Variants in KIF13B observed in about 807,000 individuals in gnomAD.
The protein encoded by KIF13B is kinesin family member 13B, also known as kinesin-like protein KIF13B.
KIF13B carries 127 observed loss-of-function variants against 222.0 expected under a neutral mutation model. That is an observed-to-expected ratio of 0.57 (90% CI 0.50 to 0.66). The LOEUF is 0.66. Among genes scored for constraint, KIF13B ranks in the 30% least tolerant of loss-of-function variants. KIF13B has a pLI of 0.00. For synonymous variants in KIF13B, 976 were observed against 919.0 expected, an observed-to-expected ratio of 1.06 and a Z score of -1.12; for missense variants, 2,173 against 2,379.0, an observed-to-expected ratio of 0.91 and a Z score of 1.80.
In KIF13B at chr8:29,112,287, G is replaced by T. The variant is rs200401974; in HGVS notation, c.3930+1176C>A. Reference sequence around the variant, plus strand: ...GTCTCTACTTAAAATACAAAAATTAGCTGGGCGTGGTGGCACGTGCCTGTA... The same window carrying T: ...GTCTCTACTTAAAATACAAAAATTATCTGGGCGTGGTGGCACGTGCCTGTA... On this transcript the variant is annotated intron_variant, in intron 32 of 39. Coordinates refer to ENST00000524189, the MANE Select transcript of KIF13B (RefSeq NM_015254.4). Among the ~76,000 whole-genome samples the T allele has an allele frequency of 2.0e-5, 3 of 152,062 alleles. No homozygotes were observed. The East Asian group carries it at 5.8e-4, about 29-fold the overall frequency.
intron 22 of KIF13B, among the ~76,000 whole-genome samples, 169 bp downstream of exon 22, chr8:29,133,871 G>A (rs942012618): frequency 2.0e-5 from 3 of 152,174 alleles, no homozygotes; most frequent in African/African-American, 7.2e-5. Flanking sequence ...TTACCTTTGG[G>A]TTGTGGAGGA....
chr8:29,215,781 G>A (rs1814451551), intron 2 of KIF13B, among the ~76,000 whole-genome samples: 1 of 152,158 alleles, frequency 6.6e-6, no homozygotes, highest in Non-Finnish European at 1.5e-5. Flanking sequence ...ATGCTTGAAG[G>A]ACAACGACAA....
At chr8:29,248,121 TTCAGA>T in intron 1 of KIF13B, among the ~76,000 whole-genome samples, 1 of 152,240 alleles carries the variant, frequency 6.6e-6, no homozygotes, top group Middle Eastern at 3.4e-3. Context: ...GTGCAGTCAC[TTCAGA>T]TAATAGTCCA....
chr8:29,218,544 G>T (rs1382204252), intron 2 of KIF13B, among the ~76,000 whole-genome samples: 1 of 152,202 alleles, frequency 6.6e-6, no homozygotes, highest in Non-Finnish European at 1.5e-5. Flanking sequence ...ATAACAGCAG[G>T]TCTAGAGAAC....
Position 29,155,702 on chromosome 8 carries a change from T to G in KIF13B, c.1535+24A>C, listed in dbSNP as rs374316499. On this transcript the variant is annotated intron_variant, in intron 14 of 39. Coordinates refer to ENST00000524189, the MANE Select transcript of KIF13B (RefSeq NM_015254.4). ...CTTCCTCTGAAAAACTCTTGTGATA[T>G]GAACACTAATTCAAGTATGTTACCT... 70 of 1,592,420 alleles carry G rather than the reference T, an allele frequency of 4.4e-5. 1 individual carries two copies. The South Asian group carries it at 7.3e-4, about 17-fold the overall frequency.
At chr8:29,162,550 A>C (rs961423150) in intron 12 of KIF13B, among the ~76,000 whole-genome samples, 4 of 152,234 alleles carry the variant, frequency 2.6e-5, no homozygotes, top group African/African-American at 9.6e-5. Flanking sequence ...AAGATGAGGT[A>C]ACTAACTATA....
intron 10 of KIF13B, among the ~76,000 whole-genome samples, chr8:29,173,248 A>G (rs1346776430): frequency 6.6e-6 from 1 of 152,162 alleles, no homozygotes; most frequent in Non-Finnish European, 1.5e-5. Flanking sequence ...AATGGACTCA[A>G]GTAGCAACAC....
At chr8:29,165,193 A>G (rs1346581198) in intron 12 of KIF13B, among the ~76,000 whole-genome samples, 1 of 152,192 alleles carries the variant, frequency 6.6e-6, no homozygotes, top group Non-Finnish European at 1.5e-5. Context: ...GAAAATGGTG[A>G]GAGACAGTCA....
At chr8:29,218,716 G>A (rs1814605366) in intron 2 of KIF13B, among the ~76,000 whole-genome samples, 1 of 152,214 alleles carries the variant, frequency 6.6e-6, no homozygotes, top group Non-Finnish European at 1.5e-5. Context: ...GAGAGTCATG[G>A]ATTATATAAA....
At chr8:29,246,500 AT>A (rs1443840675) in intron 1 of KIF13B, among the ~76,000 whole-genome samples, 17 of 152,250 alleles carry the variant, frequency 1.1e-4, no homozygotes, top group Admixed American at 8.5e-4. Context: ...ATGTTCATGA[AT>A]TGAAAGACAA....
At chr8:29,115,318 A>G (rs899532054) in intron 31 of KIF13B, among the ~76,000 whole-genome samples, 2 of 151,690 alleles carry the variant, frequency 1.3e-5, no homozygotes, top group African/African-American at 4.8e-5. Flanking sequence ...AACCAGTAAA[A>G]AAAAAGAATT....
In KIF13B at chr8:29,176,178, A is replaced by T; in HGVS notation, c.835T>A (p.Ser279Thr). The change falls in exon 10 of 40, where the codon TCC becomes ACC. Residue 279 changes from serine (S) to threonine (T), a missense_variant and splice_region_variant. Physicochemically the swap from Ser to Thr is moderately conservative, Grantham distance 58. This residue lies in a region of KIF13B where 1,480 missense variants were observed against 1,722.8 expected (regional missense o/e 0.86). Transcript: ENST00000524189. ...RLKEGSNINK[S>T]LTTLGLVISA... ...ATAACCAGACCGAGGGTTGTGAGGG[A>T]CCTGCATGGTGCAACAAACCAAAAT... 1.3e-6 allele frequency: 2 copies of T among 1,588,852 alleles called. No homozygotes were observed. The highest frequency in any genetic ancestry group is 1.7e-6 in the Non-Finnish European group (2 of 1,160,934).
chr8:29,261,808 T>C (rs1164944381), intron 1 of KIF13B, among the ~76,000 whole-genome samples: 1 of 149,220 alleles, frequency 6.7e-6, no homozygotes, highest in African/African-American at 2.5e-5. Context: ...ATAGATGAGA[T>C]AACTCCAAGC....
Position 29,071,451 on chromosome 8 carries a change from GC to G in KIF13B, c.5218+168del, listed in dbSNP as rs1165398556. ...CATGTCGTCTCCAGGGACTAGCCCT[GC>G]CCCCAGCCTCACCCCTGCAGGCCCA... is the stretch of plus-strand genomic sequence containing the variant. On this transcript the variant is annotated intron_variant, in intron 39 of 39. Transcript: ENST00000524189. This position sits in a 1 kb window ranked among gnomAD's most constrained non-coding sequence, Gnocchi z 4.9. 3.3e-5 allele frequency among the ~76,000 whole-genome samples: 5 copies of G among 152,202 alleles called. No homozygotes were observed. The highest frequency in any genetic ancestry group is 5.9e-5 in the Non-Finnish European group (4 of 67,986).
chr8:29,108,274 CAGTCAACCGA>C, intron 34 of KIF13B, 82 bp from the exon 35 acceptor site: 1 of 1,352,572 alleles, frequency 7.4e-7, no homozygotes, highest in South Asian at 1.3e-5. Context: ...TTTGCCAACC[CAGTCAACCGA>C]ACGTCAAAGT....
At chr8:29,244,938 C>T (rs1013977367) in intron 2 of KIF13B, among the ~76,000 whole-genome samples, 2 of 152,160 alleles carry the variant, frequency 1.3e-5, no homozygotes, top group Non-Finnish European at 2.9e-5. Flanking sequence ...GACATCACTG[C>T]GGGCTGCAGG....
Position 29,132,404 on chromosome 8 carries a change from A to G in KIF13B, c.2846T>C (p.Ile949Thr). The change falls in exon 23 of 40, where the codon ATT becomes ACT. Residue 949 changes from isoleucine (I) to threonine (T), a missense_variant. This residue lies in a region of KIF13B where 1,480 missense variants were observed against 1,722.8 expected (regional missense o/e 0.86). Transcript: ENST00000524189. ...IEHLSEGALA[I>T]EVYGHKINDP... ...GTTTATTTTATGTCCATATACTTCA[A>G]TTGCCAATGCTCCTTCGGAAAGATG... 2 of 1,593,816 alleles carry G rather than the reference A, an allele frequency of 1.3e-6. No homozygotes were observed. Among genetic ancestry groups the G allele is most frequent in the South Asian group, 1.1e-5 (1 of 87,778 alleles).
At chr8:29,170,518 G>A (rs1205291695) in intron 10 of KIF13B, among the ~76,000 whole-genome samples, 1 of 152,164 alleles carries the variant, frequency 6.6e-6, no homozygotes, top group Non-Finnish European at 1.5e-5. Flanking sequence ...GAAAGGTTAA[G>A]GAAGACTCTC....
intron 32 of KIF13B, among the ~76,000 whole-genome samples, chr8:29,112,431 CAAA>C (rs34908319): frequency 6.4e-5 from 5 of 78,272 alleles, no homozygotes; most frequent in African/African-American, 1.6e-4. Flanking sequence ...GACTCAGTCT[CAAA>C]AAAAAAAAAA....
Sources: gnomAD v4.1 joint callset for allele counts (sites outside exome capture counted in the v4.1 genomes callset) on GRCh38, gnomAD v4.1.1 for gene constraint, gnomAD v4.1.1 regional missense constraint, Gnocchi (gnomAD v3.1) non-coding constraint, MANE v1.5 for transcripts, NCBI Gene and HGNC (gene_info 2026-07-23, HGNC 2026-07-21) for gene names.